Variants in ERC2 observed in about 807,000 individuals in gnomAD.
ERC2 encodes the protein ELKS/RAB6-interacting/CAST family member 2, also known as ERC protein 2.
Under a neutral mutation model 114.8 loss-of-function variants are expected in ERC2, and 42 were observed. The ratio of observed to expected loss-of-function variants is 0.37; its 90% CI spans 0.29 to 0.47. The LOEUF (loss-of-function observed/expected upper bound fraction) is 0.47. ERC2 is among the 20% of genes least tolerant of loss of function. The pLI, the probability that ERC2 is intolerant of heterozygous loss-of-function variation, is 0.99. For synonymous variants in ERC2, 454 were observed against 425.5 expected, an observed-to-expected ratio of 1.07 and a Z score of -0.82; for missense variants, 939 against 1,150.7, an observed-to-expected ratio of 0.82 and a Z score of 2.66.
At chr3:56,086,629 A>G (rs866970508) in intron 6 of ERC2, among the ~76,000 whole-genome samples, 2 of 152,222 alleles carry the variant, frequency 1.3e-5, no homozygotes, top group African/African-American at 4.8e-5. Flanking sequence ...CAAAACCACA[A>G]GCAGGCACAC....
intron 12 of ERC2, among the ~76,000 whole-genome samples, chr3:55,980,730 G>A (rs1054926425): frequency 3.3e-5 from 5 of 150,210 alleles, no homozygotes; most frequent in Admixed American, 6.6e-5. Context: ...GAGAAACAGG[G>A]AAAAGAAAAG....
chr3:56,007,883 C>CT (rs1214285408), intron 9 of ERC2, among the ~76,000 whole-genome samples: 33 of 151,978 alleles, frequency 2.2e-4, no homozygotes, highest in Non-Finnish European at 3.2e-4. Flanking sequence ...TGTTTGCGTC[C>CT]TTTGCAATCT....
intron 17 of ERC2, among the ~76,000 whole-genome samples, chr3:55,575,388 A>C (rs370101149): frequency 1.1e-4 from 17 of 152,306 alleles, no homozygotes; most frequent in East Asian, 7.7e-4. Context: ...GACCAACAGA[A>C]TACAGTGGAT....
chr3:56,081,556 T>G (rs529383820), intron 6 of ERC2, among the ~76,000 whole-genome samples: 115 of 151,874 alleles, frequency 7.6e-4, no homozygotes, highest in Middle Eastern at 3.4e-3. Context: ...TTCCAAATAC[T>G]TTTAAAGAAA....
At chr3:55,714,661 G>GTATATATATATATATGTATATATATA (rs59260283) in intron 15 of ERC2, among the ~76,000 whole-genome samples, 742 of 71,732 alleles carry the variant, frequency 0.01, 20 homozygotes, top group African/African-American at 0.033. Flanking sequence ...GTGTGTGTGT[G>GTATATATATATATATGTATATATATA]TGTGTGTATA....
chr3:56,184,470 T>A (rs1052607855), intron 3 of ERC2, among the ~76,000 whole-genome samples: 3 of 152,082 alleles, frequency 2.0e-5, no homozygotes, highest in African/African-American at 7.2e-5. Flanking sequence ...TACACAATGA[T>A]TATCATATGT....
chr3:56,042,365 C>G (rs755393402), intron 7 of ERC2, among the ~76,000 whole-genome samples: 26 of 152,192 alleles, frequency 1.7e-4, no homozygotes, highest in Non-Finnish European at 3.1e-4. Flanking sequence ...AGAGGAGCTT[C>G]CTAATACCAC....
chr3:55,709,873 G>C (rs1163410469), intron 15 of ERC2, among the ~76,000 whole-genome samples: 1 of 152,158 alleles, frequency 6.6e-6, no homozygotes, highest in Non-Finnish European at 1.5e-5. Context: ...AACGAGACAG[G>C]GAGAGGCAGC....
chr3:56,146,530 A>G (rs1048539758), intron 5 of ERC2, among the ~76,000 whole-genome samples: 1 of 152,220 alleles, frequency 6.6e-6, no homozygotes, highest in Non-Finnish European at 1.5e-5. Context: ...TCATTAGTCA[A>G]GTTAAATATA....
chr3:55,842,851 G>A (rs906114050), intron 14 of ERC2, among the ~76,000 whole-genome samples: 8 of 152,196 alleles, frequency 5.3e-5, no homozygotes, highest in African/African-American at 1.9e-4. Flanking sequence ...ACGATCAAAA[G>A]TGAGTTGAGG....
intron 7 of ERC2, among the ~76,000 whole-genome samples, chr3:56,029,772 C>A (rs1576622233): frequency 6.6e-6 from 1 of 151,984 alleles, no homozygotes; most frequent in Non-Finnish European, 1.5e-5. Flanking sequence ...AAAGAAGGAG[C>A]TTTTAATGTT....
At chr3:55,553,933 C>A (rs1055299181) in intron 17 of ERC2, among the ~76,000 whole-genome samples, 1 of 152,156 alleles carries the variant, frequency 6.6e-6, no homozygotes, top group South Asian at 2.1e-4. Flanking sequence ...ATATGAGTGA[C>A]TTTTAGTTTC....
chr3:56,282,355 T>C (rs554930548), intron 3 of ERC2, among the ~76,000 whole-genome samples: 1 of 152,280 alleles, frequency 6.6e-6, no homozygotes, highest in East Asian at 1.9e-4. Context: ...AATAAGATTT[T>C]AAATGAGGTC....
chr3:55,566,593 G>A (rs1222836774), intron 17 of ERC2, among the ~76,000 whole-genome samples: 3 of 151,996 alleles, frequency 2.0e-5, no homozygotes, highest in Admixed American at 6.6e-5. Flanking sequence ...CACCACCCCT[G>A]TTTAAGTTTT....
At chr3:56,401,532 G>A (rs1407737838) in intron 2 of ERC2, among the ~76,000 whole-genome samples, 2 of 152,122 alleles carry the variant, frequency 1.3e-5, no homozygotes, top group African/African-American at 4.8e-5. Context: ...GCAGAAATGT[G>A]CCAATCTTTG....
At chr3:56,457,783 C>T (rs2063130270) in intron 1 of ERC2, among the ~76,000 whole-genome samples, 1 of 152,132 alleles carries the variant, frequency 6.6e-6, no homozygotes, top group South Asian at 2.1e-4. Flanking sequence ...TGCTATTCCC[C>T]CTGTTATTTG....
At chr3:55,993,680 C>CAAAA (rs138895783) in intron 10 of ERC2, among the ~76,000 whole-genome samples, 1 of 145,524 alleles carries the variant, frequency 6.9e-6, no homozygotes, top group Admixed American at 6.8e-5. Context: ...CTCAATTACA[C>CAAAA]AAAAAAAAAA....
chr3:55,813,362 T>A (rs542265336), intron 14 of ERC2, among the ~76,000 whole-genome samples: 5 of 152,308 alleles, frequency 3.3e-5, no homozygotes, highest in Non-Finnish European at 7.4e-5. Flanking sequence ...GTGGAGCAAG[T>A]GGTTACCCTC....
At chr3:55,682,550 A>G (rs963839892) in intron 17 of ERC2, among the ~76,000 whole-genome samples, 2 of 152,184 alleles carry the variant, frequency 1.3e-5, no homozygotes, top group Admixed American at 6.5e-5. Flanking sequence ...AAACACAACA[A>G]TGAAACGTCA....
Sources: gnomAD v4.1 joint callset for allele counts (sites outside exome capture counted in the v4.1 genomes callset) on GRCh38, gnomAD v4.1.1 for gene constraint, MANE v1.5 for transcripts, NCBI Gene and HGNC (gene_info 2026-07-23, HGNC 2026-07-21) for gene names.